The following CENPW variants were observed in gnomAD, a reference collection of about 807,000 sequenced individuals.
CENPW encodes the protein centromere protein W.
A neutral mutation model predicts 11.1 loss-of-function variants in CENPW; 3 were observed. The observed-to-expected ratio is 0.27, with a 90% CI of 0.12 to 0.70. The LOEUF (loss-of-function observed/expected upper bound fraction) is 0.70, where lower values mean the gene tolerates loss of function less well. Among genes scored for constraint, CENPW ranks in the 30% least tolerant of loss-of-function variants. The pLI is 0.77. For missense variants in CENPW, 100 were observed against 105.6 expected (o/e 0.95, Z 0.23); for synonymous variants, 38 against 42.0 (o/e 0.91, Z 0.37).
At chr6:126,457,635 G>A in the CENPW span, among the ~76,000 whole-genome samples, 1 of 151,192 alleles carries the variant, frequency 6.6e-6, no homozygotes, top group Non-Finnish European at 1.5e-5. Flanking sequence ...ATATTATTGT[G>A]TCTGATCAGG....
the CENPW span, among the ~76,000 whole-genome samples, chr6:126,380,135 G>A: frequency 6.6e-6 from 1 of 152,202 alleles, no homozygotes; most frequent in Non-Finnish European, 1.5e-5. Flanking sequence ...AACAGAGACT[G>A]GAAGTTGATT....
chr6:126,378,290 T>C, the CENPW span, among the ~76,000 whole-genome samples: 2 of 152,036 alleles, frequency 1.3e-5, no homozygotes, highest in African/African-American at 2.4e-5. Context: ...CATTTAGTGC[T>C]TTTCTGCTGA....
chr6:126,473,310 A>G, the CENPW span, among the ~76,000 whole-genome samples: 1 of 152,162 alleles, frequency 6.6e-6, no homozygotes, highest in African/African-American at 2.4e-5. Flanking sequence ...GCATAGTAAA[A>G]CTATGTTTAG....
the CENPW span, among the ~76,000 whole-genome samples, chr6:126,468,720 A>C: frequency 1.3e-5 from 2 of 152,320 alleles, no homozygotes; most frequent in East Asian, 3.9e-4. Context: ...TTATTTTAAA[A>C]ATACAGTTAG....
the CENPW span, among the ~76,000 whole-genome samples, chr6:126,456,254 T>C: frequency 4.6e-5 from 7 of 151,422 alleles, no homozygotes; most frequent in African/African-American, 7.3e-5. Context: ...AAGGCATTCC[T>C]AAGCAAAACA....
At chr6:126,354,288 CTTT>C in the CENPW span, among the ~76,000 whole-genome samples, 1 of 152,140 alleles carries the variant, frequency 6.6e-6, no homozygotes, top group Non-Finnish European at 1.5e-5. Context: ...CACTTGGCCT[CTTT>C]TTACCCCTGG....
At chr6:126,382,549 A>G in the CENPW span, among the ~76,000 whole-genome samples, 1 of 152,276 alleles carries the variant, frequency 6.6e-6, no homozygotes, top group South Asian at 2.1e-4. Context: ...AAGAATCACA[A>G]TAAAATGATA....
the CENPW span, among the ~76,000 whole-genome samples, chr6:126,446,004 A>G: frequency 6.6e-6 from 1 of 151,088 alleles, no homozygotes. Context: ...CCTGTTTCTA[A>G]GAAAGGATAA....
chr6:126,467,792 C>A, the CENPW span, among the ~76,000 whole-genome samples: 1 of 151,994 alleles, frequency 6.6e-6, no homozygotes, highest in Non-Finnish European at 1.5e-5. Flanking sequence ...TAAAAAGGGG[C>A]AAAAATGTAG....
chr6:126,425,633 G>C, the CENPW span, among the ~76,000 whole-genome samples: 30 of 151,816 alleles, frequency 2.0e-4, no homozygotes, highest in African/African-American at 7.0e-4. Flanking sequence ...TTTTTTATTA[G>C]AGAGATTATC....
At chr6:126,473,991 A>G in the CENPW span, among the ~76,000 whole-genome samples, 1 of 148,278 alleles carries the variant, frequency 6.7e-6, no homozygotes, top group Non-Finnish European at 1.5e-5. Flanking sequence ...ATATATATAG[A>G]ATATATAGAA....
the CENPW span, among the ~76,000 whole-genome samples, chr6:126,406,749 G>A: frequency 2.6e-5 from 4 of 152,142 alleles, 1 homozygote; most frequent in South Asian, 8.3e-4. Flanking sequence ...CTACTTGAGA[G>A]GCTGAGGCAG....
At chr6:126,387,108 C>G in the CENPW span, among the ~76,000 whole-genome samples, 6 of 151,868 alleles carry the variant, frequency 4.0e-5, no homozygotes, top group Admixed American at 1.3e-4. Context: ...TATAAATTAA[C>G]TAAGAGATTT....
the CENPW span, among the ~76,000 whole-genome samples, chr6:126,457,611 G>A: frequency 2.1e-4 from 32 of 151,350 alleles, no homozygotes; most frequent in East Asian, 5.9e-4. Context: ...CTTTATCAGC[G>A]TCATGACATC....
At chr6:126,411,105 C>G in the CENPW span, among the ~76,000 whole-genome samples, 2 of 152,062 alleles carry the variant, frequency 1.3e-5, no homozygotes, top group Non-Finnish European at 2.9e-5. Flanking sequence ...GAACTATTAC[C>G]TCTTCCATAG....
the CENPW span, among the ~76,000 whole-genome samples, chr6:126,424,906 C>T: frequency 6.6e-6 from 1 of 152,046 alleles, no homozygotes; most frequent in Non-Finnish European, 1.5e-5. Context: ...ACCTCTAGCA[C>T]CTGATATAGG....
the CENPW span, among the ~76,000 whole-genome samples, chr6:126,456,769 T>C: frequency 1.3e-3 from 199 of 151,696 alleles, 1 homozygote; most frequent in Non-Finnish European, 1.8e-3. Flanking sequence ...ACACACAACC[T>C]ACAGAATGGG....
At chr6:126,343,681 A>G (rs1281040395) in intron 1 of CENPW, among the ~76,000 whole-genome samples, 13 of 152,250 alleles carry the variant, frequency 8.5e-5, no homozygotes, top group Admixed American at 5.2e-4. Context: ...GTTCAAAGGC[A>G]GGAAGCATCC....
At chr6:126,425,255 C>CA in the CENPW span, among the ~76,000 whole-genome samples, 2 of 151,974 alleles carry the variant, frequency 1.3e-5, no homozygotes, top group Non-Finnish European at 1.5e-5. Context: ...TATAAAAATA[C>CA]AAAAAAATTA....
Sources: gnomAD v4.1 joint callset for allele counts (sites outside exome capture counted in the v4.1 genomes callset) on GRCh38, gnomAD v4.1.1 for gene constraint, MANE v1.5 for transcripts, NCBI Gene and HGNC (gene_info 2026-07-23, HGNC 2026-07-21) for gene names.